Variants in DCDC2 observed in about 807,000 individuals in gnomAD.
The protein encoded by DCDC2 is doublecortin domain containing 2, also known as doublecortin domain-containing protein 2.
Under a neutral mutation model 50.2 loss-of-function variants are expected in DCDC2, and 40 were observed. The ratio of observed to expected loss-of-function variants is 0.80; its 90% CI spans 0.62 to 1.04. The LOEUF is 1.04. DCDC2 is among the 50% of genes least tolerant of loss of function. The pLI, the probability that DCDC2 is intolerant of heterozygous loss-of-function variation, is 0.00. For missense variants in DCDC2, 570 were observed against 581.9 expected (o/e 0.98, Z 0.21); for synonymous variants, 234 against 210.6 (o/e 1.11, Z -0.96).
At chr6:24,254,311 A>C (rs1322723127) in intron 7 of DCDC2, among the ~76,000 whole-genome samples, 1 of 152,220 alleles carries the variant, frequency 6.6e-6, no homozygotes, top group African/African-American at 2.4e-5. Context: ...TAAATAAACA[A>C]GTAATAGAGT....
chr6:24,223,509 T>C (rs1357561544), intron 7 of DCDC2, among the ~76,000 whole-genome samples: 2 of 152,194 alleles, frequency 1.3e-5, no homozygotes, highest in Admixed American at 1.3e-4. Flanking sequence ...TTGCAACAAT[T>C]TTACTTTAAC....
chr6:24,217,826 T>C lies in DCDC2; in HGVS notation c.923-12724A>G, dbSNP rs1029941419. On this transcript the variant is annotated intron_variant, in intron 7 of 9. Transcript: ENST00000378454. ...TACCTTGCTCAAGATATAATAACTTTAACTGGTGGTTAATCTTCCATCTTA... is the reference window on the plus strand; with the variant it reads ...TACCTTGCTCAAGATATAATAACTTCAACTGGTGGTTAATCTTCCATCTTA... Among the ~76,000 whole-genome samples the C allele has an allele frequency of 2.6e-5, 4 of 152,370 alleles. No homozygotes were observed. In the South Asian group the frequency reaches 8.3e-4, roughly 32 times the overall value.
upstream of DCDC2, among the ~76,000 whole-genome samples, chr6:24,359,398 A>G (rs1383586578): frequency 2.1e-4 from 16 of 75,724 alleles, 1 homozygote; most frequent in Non-Finnish European, 2.9e-4. Context: ...TATATATTAT[A>G]TATATTTTAT....
chr6:24,338,797 C>T (rs1684308446), intron 2 of DCDC2, among the ~76,000 whole-genome samples: 1 of 152,166 alleles, frequency 6.6e-6, no homozygotes, highest in Admixed American at 6.5e-5. Flanking sequence ...AGGCACACAC[C>T]ACCACGCCCA....
At chr6:24,214,798 C>A (rs1164747817) in intron 7 of DCDC2, among the ~76,000 whole-genome samples, 1 of 152,204 alleles carries the variant, frequency 6.6e-6, no homozygotes, top group African/African-American at 2.4e-5. Context: ...GACCTTGTAT[C>A]AGAAGAGTTA....
chr6:24,178,299 T>C, intron 9 of DCDC2, 31 bp downstream of exon 9: 1 of 1,597,158 alleles, frequency 6.3e-7, no homozygotes, highest in South Asian at 1.1e-5. Flanking sequence ...ATTCATGCAT[T>C]CACATAAGCA....
chr6:24,343,885 A>AT lies in DCDC2; in HGVS notation c.348+9683dup, dbSNP rs558427863. On this transcript the variant is annotated intron_variant, in intron 2 of 9. Coordinates refer to ENST00000378454, the MANE Select transcript of DCDC2 (RefSeq NM_016356.5). ...GTATGTATTTATGGAGTACAACATAATTTTTTGATATATGGGCACGCTGTG... is the reference window on the plus strand; with the variant it reads ...GTATGTATTTATGGAGTACAACATAATTTTTTTGATATATGGGCACGCTGTG... 6.1e-3 allele frequency among the ~76,000 whole-genome samples: 934 copies of AT among 152,278 alleles called. 11 individuals carry two copies. Among genetic ancestry groups the AT allele is most frequent in the African/African-American group, 0.021 (868 of 41,572 alleles).
chr6:24,236,373 T>G (rs1762441248), intron 7 of DCDC2, among the ~76,000 whole-genome samples: 1 of 151,986 alleles, frequency 6.6e-6, no homozygotes, highest in Admixed American at 6.6e-5. Context: ...AAAGCTGGCT[T>G]TTACCATATA....
upstream of DCDC2, among the ~76,000 whole-genome samples, chr6:24,358,950 A>ATAATATATT (rs1561788652): frequency 1.1e-3 from 68 of 62,494 alleles, no homozygotes; most frequent in African/African-American, 5.2e-3. Context: ...TATATTATAT[A>ATAATATATT]TTATATATTA....
intron 7 of DCDC2, among the ~76,000 whole-genome samples, chr6:24,215,399 T>G (rs1192193323): frequency 6.6e-6 from 1 of 152,134 alleles, no homozygotes; most frequent in Non-Finnish European, 1.5e-5. Context: ...TAAGGGACTT[T>G]AAGCATGGAG....
chr6:24,186,664 C>T lies in DCDC2; in HGVS notation c.1024-8032G>A, dbSNP rs182871123. Among the ~76,000 whole-genome samples, 296 of 152,252 alleles carry T rather than the reference C, an allele frequency of 1.9e-3. 3 individuals are homozygous for T. The highest frequency in any genetic ancestry group is 3.4e-3 in the Middle Eastern group (1 of 294). On this transcript the variant is annotated intron_variant, in intron 8 of 9. Coordinates refer to ENST00000378454, the MANE Select transcript of DCDC2 (RefSeq NM_016356.5). Reference sequence around the variant, plus strand: ...GGAGCCATGTCTCTGCTTTTCTCCCCGCTCTACTCATCACTGATCATGTTT... The same window carrying T: ...GGAGCCATGTCTCTGCTTTTCTCCCTGCTCTACTCATCACTGATCATGTTT...
chr6:24,222,390 A>C (rs1439009902), intron 7 of DCDC2, among the ~76,000 whole-genome samples: 3 of 151,574 alleles, frequency 2.0e-5, no homozygotes, highest in Admixed American at 6.6e-5. Context: ...ACCATCTTTT[A>C]GGATAATTTT....
upstream of DCDC2, among the ~76,000 whole-genome samples, chr6:24,361,431 TA>T (rs1159021439): frequency 0.038 from 5,331 of 140,386 alleles, 243 homozygotes; most frequent in African/African-American, 0.12. Flanking sequence ...AAATGAAAGT[TA>T]AAAAAAAAAA....
the DCDC2 span, among the ~76,000 whole-genome samples, chr6:24,381,864 A>G: frequency 7.9e-4 from 114 of 144,412 alleles, no homozygotes; most frequent in Admixed American, 2.1e-3. Flanking sequence ...GGAAGGAGAA[A>G]TAAAAGAAAG....
chr6:24,372,923 AT>A, the DCDC2 span, among the ~76,000 whole-genome samples: 45 of 152,198 alleles, frequency 3.0e-4, no homozygotes, highest in African/African-American at 7.2e-4. Context: ...TAATAAAAAA[AT>A]AAAACAAAAA....
chr6:24,251,091 A>T (rs1762783673), intron 7 of DCDC2, among the ~76,000 whole-genome samples: 1 of 152,216 alleles, frequency 6.6e-6, no homozygotes, highest in African/African-American at 2.4e-5. Context: ...GCTATGACAC[A>T]GTAGGAAGAA....
At chr6:24,214,263 C>T (rs531712162) in intron 7 of DCDC2, among the ~76,000 whole-genome samples, 4 of 152,250 alleles carry the variant, frequency 2.6e-5, no homozygotes, top group Non-Finnish European at 5.9e-5. Context: ...TGATTTTAAT[C>T]ACCACAGTTA....
intron 8 of DCDC2, among the ~76,000 whole-genome samples, chr6:24,197,055 A>C (rs939040034): frequency 1.3e-4 from 19 of 151,748 alleles, no homozygotes; most frequent in African/African-American, 4.6e-4. Flanking sequence ...TGACCAAGAG[A>C]GTCCAAGAAG....
At chr6:24,248,402 G>A (rs1762730086) in intron 7 of DCDC2, among the ~76,000 whole-genome samples, 1 of 152,168 alleles carries the variant, frequency 6.6e-6, no homozygotes, top group Non-Finnish European at 1.5e-5. Context: ...TGAGATAGTA[G>A]CTGCTTCATG....
Sources: gnomAD v4.1 joint callset for allele counts (sites outside exome capture counted in the v4.1 genomes callset) on GRCh38, gnomAD v4.1.1 for gene constraint, MANE v1.5 for transcripts, NCBI Gene and HGNC (gene_info 2026-07-23, HGNC 2026-07-21) for gene names.